VPS13B: variants seen among roughly 807,000 people sequenced by gnomAD.
VPS13B encodes the protein vacuolar protein sorting 13 homolog B.
Under a neutral mutation model 426.4 loss-of-function variants are expected in VPS13B, and 285 were observed. The observed-to-expected ratio is 0.67, with a 90% CI of 0.61 to 0.74. The LOEUF (loss-of-function observed/expected upper bound fraction) is 0.74. VPS13B is among the 30% of genes least tolerant of loss of function. The pLI, the probability that VPS13B is intolerant of heterozygous loss-of-function variation, is 0.00. For synonymous variants in VPS13B, 1,676 were observed against 1,676.4 expected (o/e 1.00, Z 0.01); for missense variants, 4,537 against 4,782.6 (o/e 0.95, Z 1.51).
At chr8:99,687,673 T>A (rs1381600616) in intron 35 of VPS13B, among the ~76,000 whole-genome samples, 2 of 151,976 alleles carry the variant, frequency 1.3e-5, no homozygotes, top group Non-Finnish European at 2.9e-5. Flanking sequence ...AATGCACAGA[T>A]TCTCTCTCTG....
chr8:99,641,765 T>C, intron 33 of VPS13B, 46 bp from the exon 34 acceptor site: 3 of 1,546,612 alleles, frequency 1.9e-6, no homozygotes, highest in East Asian at 2.4e-5. Flanking sequence ...TATATGACAC[T>C]TGGCATGTAA....
Position 99,013,856 on chromosome 8 carries a change from C to T in VPS13B, c.68C>T (p.Pro23Leu). Residue 23 changes from proline (P) to leucine (L), a missense_variant, in exon 2 of 62, where the codon CCG becomes CTG. Pro to Leu is a moderately conservative substitution (Grantham distance 98). Transcript: ENST00000357162. Reference protein sequence around the residue: ...YVNRYIKNLKPSDLQLSLWGG... With the variant: ...YVNRYIKNLKLSDLQLSLWGG... The stretch of plus-strand genomic sequence containing the variant: ...AATCGCTACATCAAGAACTTAAAGC[C>T]GTCGGATCTACAGCTTTCACTATGG... 3 of 1,614,118 alleles carry T rather than the reference C, an allele frequency of 1.9e-6. No homozygotes were observed. Among genetic ancestry groups the T allele is most frequent in the Non-Finnish European group, 2.5e-6 (3 of 1,180,014 alleles).
intron 19 of VPS13B, among the ~76,000 whole-genome samples, chr8:99,362,763 GCTGCAACAAA>G (rs1812639649): frequency 6.6e-6 from 1 of 152,198 alleles, no homozygotes; most frequent in South Asian, 2.1e-4. Context: ...TGTGAACAGT[GCTGCAACAAA>G]CATGGGAGTG....
chr8:99,137,363 T>C (rs1810126631), intron 12 of VPS13B, among the ~76,000 whole-genome samples: 1 of 152,116 alleles, frequency 6.6e-6, no homozygotes, highest in Non-Finnish European at 1.5e-5. Context: ...TTTTCATGTT[T>C]TATAAAAATG....
chr8:99,225,457 T>C (rs543695552), intron 17 of VPS13B, among the ~76,000 whole-genome samples: 1 of 152,194 alleles, frequency 6.6e-6, no homozygotes, highest in African/African-American at 2.4e-5. Flanking sequence ...TTTGTACTTT[T>C]AGTAGAGATG....
intron 51 of VPS13B, among the ~76,000 whole-genome samples, chr8:99,831,076 CTT>C (rs773817774): frequency 1.3e-4 from 16 of 120,016 alleles, no homozygotes; most frequent in Admixed American, 1.9e-4. Flanking sequence ...GTGTTTTTTT[CTT>C]TTTTTTTTTT....
chr8:99,103,675 A>G, intron 5 of VPS13B, among the ~76,000 whole-genome samples: 1 of 151,414 alleles, frequency 6.6e-6, no homozygotes, highest in Non-Finnish European at 1.5e-5. Flanking sequence ...AATTTTTTGT[A>G]TTTTTAGTAG....
intron 25 of VPS13B, among the ~76,000 whole-genome samples, chr8:99,499,653 A>C (rs1392720523): frequency 1.3e-5 from 2 of 152,100 alleles, no homozygotes; most frequent in East Asian, 3.8e-4. Flanking sequence ...ATAGCTTCTC[A>C]AGTTGTAGGA....
chr8:99,838,190 T>C (rs970328299), intron 54 of VPS13B, among the ~76,000 whole-genome samples: 23 of 152,228 alleles, frequency 1.5e-4, no homozygotes, highest in African/African-American at 5.3e-4. Context: ...TCAGGAGACA[T>C]CTCATGGTTA....
chr8:99,509,182 C>T (rs982973344), intron 28 of VPS13B, among the ~76,000 whole-genome samples: 1 of 152,130 alleles, frequency 6.6e-6, no homozygotes, highest in Non-Finnish European at 1.5e-5. Context: ...CTTAACAATC[C>T]TTCTCCATCT....
intron 22 of VPS13B, among the ~76,000 whole-genome samples, chr8:99,438,124 G>T (rs929929815): frequency 2.8e-5 from 4 of 143,284 alleles, no homozygotes; most frequent in Non-Finnish European, 6.0e-5. Context: ...TCAATACCAA[G>T]CATTCTGGTC....
intron 8 of VPS13B, among the ~76,000 whole-genome samples, chr8:99,123,520 T>G (rs1454914965): frequency 1.3e-5 from 2 of 152,070 alleles, no homozygotes; most frequent in Non-Finnish European, 2.9e-5. Flanking sequence ...TTGGCCAGTT[T>G]TTAGAAGAAT....
intron 34 of VPS13B, among the ~76,000 whole-genome samples, chr8:99,654,288 T>G (rs1366620447): frequency 6.6e-6 from 1 of 152,024 alleles, no homozygotes; most frequent in Non-Finnish European, 1.5e-5. Flanking sequence ...GACCTTGTGA[T>G]CCGCCCGCCT....
intron 23 of VPS13B, among the ~76,000 whole-genome samples, chr8:99,445,789 T>C (rs1817888292): frequency 6.6e-6 from 1 of 152,146 alleles, no homozygotes; most frequent in African/African-American, 2.4e-5. Flanking sequence ...ATTGAGGTTA[T>C]TGTCATAAAT....
chr8:99,654,031 G>T (rs75398407), intron 34 of VPS13B, among the ~76,000 whole-genome samples: 15,844 of 149,678 alleles, frequency 0.11, 921 homozygotes, highest in East Asian at 0.22. Context: ...TGATGATGAT[G>T]ATTATTATTA....
chr8:99,340,084 T>C (rs1290295095), intron 19 of VPS13B, among the ~76,000 whole-genome samples: 2 of 152,214 alleles, frequency 1.3e-5, no homozygotes, highest in East Asian at 3.9e-4. Context: ...GTAGCAAGTA[T>C]CTTGTCAGAG....
At chr8:99,677,936 C>T (rs1831007256) in intron 35 of VPS13B, among the ~76,000 whole-genome samples, 1 of 152,150 alleles carries the variant, frequency 6.6e-6, no homozygotes, top group African/African-American at 2.4e-5. Context: ...CTCTCCAGCC[C>T]CATGCCTTTC....
At chr8:99,733,113 A>T (rs188509879) in intron 39 of VPS13B, among the ~76,000 whole-genome samples, 1 of 152,230 alleles carries the variant, frequency 6.6e-6, no homozygotes, top group Non-Finnish European at 1.5e-5. Context: ...AGAATAGTAA[A>T]TATGAATTGA....
chr8:99,015,417 C>T (rs951355832), intron 2 of VPS13B, among the ~76,000 whole-genome samples: 19 of 151,030 alleles, frequency 1.3e-4, no homozygotes, highest in Admixed American at 2.0e-4. Context: ...GGGGTTTCAC[C>T]GTGTTAGCCA....
Sources: allele counts gnomAD v4.1 joint callset (sites outside exome capture counted in the v4.1 genomes callset), GRCh38; gene constraint gnomAD v4.1.1; transcripts MANE v1.5; gene names NCBI Gene and HGNC (gene_info 2026-07-23, HGNC 2026-07-21).